The following SH3RF1 variants were observed in gnomAD, a reference collection of about 807,000 sequenced individuals.
SH3RF1 encodes the protein SH3 domain containing ring finger 1.
SH3RF1 carries 32 observed loss-of-function variants against 74.0 expected under a neutral mutation model. That is an observed-to-expected ratio of 0.43 (90% confidence interval 0.33 to 0.58). SH3RF1 has a LOEUF of 0.58. SH3RF1 is among the 20% of genes least tolerant of loss of function. The pLI, the probability that SH3RF1 is intolerant of heterozygous loss-of-function variation, is 0.05. For synonymous variants in SH3RF1, 396 were observed against 439.6 expected, an observed-to-expected ratio of 0.90 and a Z score of 1.24; for missense variants, 954 against 1,130.9, an observed-to-expected ratio of 0.84 and a Z score of 2.24.
intron 2 of SH3RF1, among the ~76,000 whole-genome samples, chr4:169,254,584 G>A (rs1329028979): frequency 2.6e-5 from 4 of 152,130 alleles, no homozygotes; most frequent in South Asian, 4.1e-4. Flanking sequence ...CTAACCACTC[G>A]AGAGATGGGG....
intron 2 of SH3RF1, among the ~76,000 whole-genome samples, chr4:169,257,477 C>T (rs993951773): frequency 5.3e-5 from 8 of 152,300 alleles, no homozygotes; most frequent in African/African-American, 1.2e-4. Flanking sequence ...AGAGGATAAA[C>T]GACATGGTCG....
chr4:169,181,552 C>T (rs935179050), intron 2 of SH3RF1, among the ~76,000 whole-genome samples: 3 of 152,062 alleles, frequency 2.0e-5, no homozygotes, highest in Admixed American at 6.6e-5. Context: ...TGAGCCACCG[C>T]GCCAGCCCTG....
Position 169,191,292 on chromosome 4 carries a change from T to C in SH3RF1, c.394-34613A>G, listed in dbSNP as rs960486763. Among the ~76,000 whole-genome samples, 4 of 91,184 alleles carry C rather than the reference T, an allele frequency of 4.4e-5. No homozygotes were observed. The South Asian group carries it at 1.5e-3, about 34-fold the overall frequency. The allele number at this position is 91,184 out of a possible 152,430, so 59.8% of individuals were successfully genotyped here. ...ATCAAGAACTCAATCCCTTTTACAA[T>C]AGCTGCAAAAAAAAAAAAAAAAACC... On this transcript the variant is annotated intron_variant, in intron 2 of 11. Transcript: ENST00000284637.
chr4:169,222,913 G>T (rs746677567), intron 2 of SH3RF1, among the ~76,000 whole-genome samples: 1 of 152,258 alleles, frequency 6.6e-6, no homozygotes, highest in Non-Finnish European at 1.5e-5. Context: ...CCAAATGGGC[G>T]GCTATAAATG....
intron 2 of SH3RF1, among the ~76,000 whole-genome samples, chr4:169,235,873 G>T (rs1248145933): frequency 1.3e-5 from 2 of 152,074 alleles, no homozygotes; most frequent in Non-Finnish European, 2.9e-5. Context: ...AAGAGACAGG[G>T]TTTCACCATG....
At chr4:169,209,086 C>G (rs140258776) in intron 2 of SH3RF1, among the ~76,000 whole-genome samples, 2,249 of 152,036 alleles carry the variant, frequency 0.015, 52 homozygotes, top group African/African-American at 0.051. Flanking sequence ...GTCAGAAGTT[C>G]GAGACCAGCC....
intron 2 of SH3RF1, among the ~76,000 whole-genome samples, chr4:169,251,282 T>G (rs1313064078): frequency 6.6e-6 from 1 of 152,172 alleles, no homozygotes; most frequent in Non-Finnish European, 1.5e-5. Context: ...CTTTTTAAAT[T>G]TCATTATATC....
intron 2 of SH3RF1, among the ~76,000 whole-genome samples, chr4:169,170,368 C>G (rs1289846562): frequency 1.3e-5 from 2 of 152,142 alleles, no homozygotes; most frequent in Non-Finnish European, 1.5e-5. Flanking sequence ...TTCGTGTATA[C>G]TGCATAAGAA....
rs540331181 is a variant in SH3RF1, at chr4:169,215,445, T to C, written c.393+53375A>G. Among the ~76,000 whole-genome samples, 324 of 152,342 alleles carry C rather than the reference T, an allele frequency of 2.1e-3. 2 individuals are homozygous for C. The highest frequency in any genetic ancestry group is 0.019 in the South Asian group (94 of 4,830). ...TCTTTATCTGGTTTTGGTATTAGGTTAATGCTGGCCTCATACAGTAAGTTA... is the reference window on the plus strand; with the variant it reads ...TCTTTATCTGGTTTTGGTATTAGGTCAATGCTGGCCTCATACAGTAAGTTA... On this transcript the variant is annotated intron_variant, in intron 2 of 11. Transcript: ENST00000284637.
At chr4:169,105,044 G>T (rs1309822137) in intron 11 of SH3RF1, among the ~76,000 whole-genome samples, 1 of 152,076 alleles carries the variant, frequency 6.6e-6, no homozygotes, top group Non-Finnish European at 1.5e-5. Context: ...AGGTTTTGGT[G>T]GATACAAATA....
intron 2 of SH3RF1, among the ~76,000 whole-genome samples, chr4:169,196,475 C>T (rs1284070176): frequency 2.6e-5 from 4 of 152,210 alleles, no homozygotes; most frequent in Non-Finnish European, 5.9e-5. Context: ...ACTGCTTTTG[C>T]AAAACTGTTA....
chr4:169,134,519 C>T lies in SH3RF1; in HGVS notation c.1068+1799G>A, dbSNP rs557303605. Among the ~76,000 whole-genome samples, 59 of 152,318 alleles carry T rather than the reference C, an allele frequency of 3.9e-4. 1 individual carries two copies. The South Asian group carries it at 0.012, about 31-fold the overall frequency. On this transcript the variant is annotated intron_variant, in intron 5 of 11. Coordinates refer to ENST00000284637, the MANE Select transcript of SH3RF1 (RefSeq NM_020870.4). ...CAGAAGCTTGTCTTTTATTTCAAGA[C>T]AACATCATTGTGCAAATGTTGCTAG...
At chr4:169,203,687 G>GAAGT (rs1734947823) in intron 2 of SH3RF1, among the ~76,000 whole-genome samples, 1 of 152,154 alleles carries the variant, frequency 6.6e-6, no homozygotes, top group South Asian at 2.1e-4. Context: ...TTGTTTGGTT[G>GAAGT]AAGATACACT....
At chr4:169,124,662 G>C (rs1363822220) in intron 6 of SH3RF1, among the ~76,000 whole-genome samples, 1 of 152,220 alleles carries the variant, frequency 6.6e-6, no homozygotes, top group East Asian at 1.9e-4. Flanking sequence ...AAGAAACTCT[G>C]ATTAAAATCA....
intron 4 of SH3RF1, among the ~76,000 whole-genome samples, chr4:169,151,744 C>A (rs1349867264): frequency 1.3e-5 from 2 of 152,170 alleles, no homozygotes; most frequent in Admixed American, 1.3e-4. Flanking sequence ...GAGCAAGTTG[C>A]TAAATAACTT....
At chr4:169,116,201 G>A in intron 10 of SH3RF1, 68 bp downstream of exon 10, 1 of 1,533,010 alleles carries the variant, frequency 6.5e-7, no homozygotes, top group Non-Finnish European at 8.8e-7. Flanking sequence ...AAAAATGACA[G>A]ACACAACATA....
At chr4:169,122,068 C>T (rs1476991990) in intron 7 of SH3RF1, 32 bp downstream of exon 7, 1 of 1,606,824 alleles carries the variant, frequency 6.2e-7, no homozygotes, top group East Asian at 2.2e-5. Flanking sequence ...TAAATGAACA[C>T]ATAAGCAGTA....
intron 2 of SH3RF1, among the ~76,000 whole-genome samples, chr4:169,193,023 G>A (rs142233852): frequency 1.5e-4 from 23 of 151,978 alleles, no homozygotes; most frequent in African/African-American, 5.5e-4. Context: ...TCTAAGTGAA[G>A]TAACTCAGGA....
intron 4 of SH3RF1, 79 bp from the exon 5 acceptor site, chr4:169,136,699 T>C: frequency 7.1e-7 from 1 of 1,413,194 alleles, no homozygotes; most frequent in Non-Finnish European, 9.3e-7. Flanking sequence ...TCCAACATGA[T>C]TTCATCCAAA....
Sources: gnomAD v4.1 joint callset for allele counts (sites outside exome capture counted in the v4.1 genomes callset) on GRCh38, gnomAD v4.1.1 for gene constraint, MANE v1.5 for transcripts, NCBI Gene and HGNC (gene_info 2026-07-23, HGNC 2026-07-21) for gene names.